Variants in ITGA9 observed in about 807,000 individuals in gnomAD.
The protein encoded by ITGA9 is integrin alpha-9.
Under a neutral mutation model 127.8 loss-of-function variants are expected in ITGA9, and 56 were observed. That is an observed-to-expected ratio of 0.44 (90% CI 0.35 to 0.55). The LOEUF (loss-of-function observed/expected upper bound fraction) is 0.55, where lower values mean the gene tolerates loss of function less well. Ranked by LOEUF, ITGA9 falls within the 20% of genes least tolerant of loss-of-function variation. The pLI, the probability that ITGA9 is intolerant of heterozygous loss-of-function variation, is 0.00. For missense variants in ITGA9, 1,196 were observed against 1,347.1 expected, an observed-to-expected ratio of 0.89 and a Z score of 1.76; for synonymous variants, 508 against 514.5, an observed-to-expected ratio of 0.99 and a Z score of 0.17.
chr3:37,728,905 T>A lies in ITGA9; in HGVS notation c.2068-3807T>A, dbSNP rs906379491. Among the ~76,000 whole-genome samples the A allele has an allele frequency of 3.9e-5, 6 of 152,070 alleles. No homozygotes were observed. The South Asian group carries it at 6.3e-4, about 16-fold the overall frequency. On this transcript the variant is annotated intron_variant, in intron 18 of 27. Coordinates refer to ENST00000264741, the MANE Select transcript of ITGA9 (RefSeq NM_002207.3). ...GAAGAAACCAAACAGGCATGTGGGC[T>A]CAGCTGGAGTCTGCTTCACCCAGTC... is the stretch of plus-strand genomic sequence containing the variant.
intron 23 of ITGA9, among the ~76,000 whole-genome samples, chr3:37,767,112 A>G (rs1696788550): frequency 6.6e-6 from 1 of 152,194 alleles, no homozygotes; most frequent in South Asian, 2.1e-4. Flanking sequence ...GGAGGAGGGG[A>G]GGATGCAGGG....
At chr3:37,578,027 T>G (rs897592419) in intron 15 of ITGA9, among the ~76,000 whole-genome samples, 4 of 152,146 alleles carry the variant, frequency 2.6e-5, no homozygotes, top group African/African-American at 9.7e-5. Flanking sequence ...CTATTTAATC[T>G]CAAGCCCAAA....
In ITGA9 at chr3:37,452,973, C is replaced by T. The variant is rs1379796089; in HGVS notation, c.185+414C>T. 2.6e-5 allele frequency among the ~76,000 whole-genome samples: 4 copies of T among 152,222 alleles called. No homozygotes were observed. Among genetic ancestry groups the T allele is most frequent in the African/African-American group, 9.6e-5 (4 of 41,478 alleles). On this transcript the variant is annotated intron_variant, in intron 1 of 27. Transcript: ENST00000264741. The surrounding 1 kb of genome is among the most constrained non-coding windows in gnomAD (Gnocchi z 7.3). ...CTCGCAGGGCCTGGAGGAGTCGGGG[C>T]ACTGGAGCTGCACCCCTCCCCGGTT...
At chr3:37,632,637 C>T (rs1700239281) in intron 16 of ITGA9, among the ~76,000 whole-genome samples, 1 of 152,090 alleles carries the variant, frequency 6.6e-6, no homozygotes, top group African/African-American at 2.4e-5. Context: ...CCAAAATTAT[C>T]ATAGACACAT....
chr3:37,616,601 G>A (rs568375484), intron 15 of ITGA9, among the ~76,000 whole-genome samples: 1 of 152,296 alleles, frequency 6.6e-6, no homozygotes, highest in African/African-American at 2.4e-5. Flanking sequence ...GGGAGTCTGA[G>A]TCTCTTTGTA....
intron 3 of ITGA9, among the ~76,000 whole-genome samples, chr3:37,478,095 A>G (rs1393617863): frequency 6.6e-6 from 1 of 151,778 alleles, no homozygotes; most frequent in Non-Finnish European, 1.5e-5. Context: ...ACATTTTCAC[A>G]CCCCAGCAGC....
At chr3:37,526,005 C>A (rs1159093450) in intron 12 of ITGA9, 21 bp from the exon 13 acceptor site, 2 of 1,612,872 alleles carry the variant, frequency 1.2e-6, no homozygotes, top group Non-Finnish European at 1.7e-6. Flanking sequence ...TTTCTGAACG[C>A]TGTAAACTTC....
Sources: allele counts gnomAD v4.1 joint callset (sites outside exome capture counted in the v4.1 genomes callset), GRCh38; gene constraint gnomAD v4.1.1; non-coding constraint Gnocchi (gnomAD v3.1); transcripts MANE v1.5; gene names NCBI Gene and HGNC (gene_info 2026-07-23, HGNC 2026-07-21).